RASGEF1C: variants seen among roughly 807,000 people sequenced by gnomAD.
RASGEF1C encodes the protein RasGEF domain family member 1C.
In RASGEF1C, 27 loss-of-function variants were observed where a neutral mutation model predicts 58.1. That is an observed-to-expected ratio of 0.46 (90% CI 0.34 to 0.64). The LOEUF (loss-of-function observed/expected upper bound fraction) is 0.64. Among genes scored for constraint, RASGEF1C ranks in the 30% least tolerant of loss-of-function variants. The pLI, the probability that RASGEF1C is intolerant of heterozygous loss-of-function variation, is 0.01. For missense variants in RASGEF1C, 502 were observed against 605.1 expected (o/e 0.83, Z 1.79); for synonymous variants, 243 against 246.3 (o/e 0.99, Z 0.13).
At chr5:180,174,607 CAT>C (rs1561751572) in intron 1 of RASGEF1C, among the ~76,000 whole-genome samples, 37 of 67,662 alleles carry the variant, frequency 5.5e-4, no homozygotes, top group Admixed American at 2.2e-3. Context: ...TGTGTGCACG[CAT>C]GTGTGTGTCT....
At chr5:180,125,554 G>A (rs571578473) in intron 6 of RASGEF1C, among the ~76,000 whole-genome samples, 14 of 152,242 alleles carry the variant, frequency 9.2e-5, no homozygotes, top group African/African-American at 1.7e-4. Flanking sequence ...AGTCCAAGGC[G>A]GGTGGATCAC....
Position 180,198,189 on chromosome 5 carries a change from C to T in RASGEF1C, c.-7+10839G>A, listed in dbSNP as rs560505710. 2.0e-5 allele frequency among the ~76,000 whole-genome samples: 3 copies of T among 152,192 alleles called. No individual in the cohort carries two copies. The highest frequency in any genetic ancestry group is 6.5e-5 in the Admixed American group (1 of 15,282). On this transcript the variant is annotated intron_variant, in intron 1 of 13. Transcript: ENST00000361132. This position sits in a 1 kb window ranked among gnomAD's most constrained non-coding sequence, Gnocchi z 4.5. ...AAACTGGAAACAGGCAGGACAAAAGCGCACCCTTCTGCAGGCCCCAGCCCC... is the reference window on the plus strand; with the variant it reads ...AAACTGGAAACAGGCAGGACAAAAGTGCACCCTTCTGCAGGCCCCAGCCCC...
chr5:180,171,042 G>T (rs543524638), intron 1 of RASGEF1C, among the ~76,000 whole-genome samples: 1 of 152,150 alleles, frequency 6.6e-6, no homozygotes, highest in East Asian at 1.9e-4. Context: ...AGACGCGGCC[G>T]GAGTTCCAGG....
chr5:180,134,818 C>CACCTATCCACT, intron 4 of RASGEF1C, among the ~76,000 whole-genome samples: 1 of 8,296 alleles, frequency 1.2e-4, no homozygotes, highest in Admixed American at 9.8e-4. Context: ...CGCATCTACC[C>CACCTATCCACT]TTGCTTCCTC....
Position 180,122,509 on chromosome 5 carries a change from G to A in RASGEF1C, c.715-1360C>T, listed in dbSNP as rs568520184. ...TAATCGCAACACTTTGGGAGGCCAA[G>A]GTGGGTGGATCACCTGAGGTCAGGA... is the stretch of plus-strand genomic sequence containing the variant. On this transcript the variant is annotated intron_variant, in intron 6 of 13. Coordinates refer to ENST00000361132, the MANE Select transcript of RASGEF1C (RefSeq NM_175062.4). 2.6e-5 allele frequency among the ~76,000 whole-genome samples: 4 copies of A among 152,282 alleles called. No individual in the cohort carries two copies. The South Asian group carries it at 6.2e-4, about 24-fold the overall frequency.
rs181480340 is a variant in RASGEF1C at position 180,170,383 on chromosome 5, G to A, written c.-6-32325C>T. On this transcript the variant is annotated intron_variant, in intron 1 of 13. Coordinates refer to ENST00000361132, the MANE Select transcript of RASGEF1C (RefSeq NM_175062.4). ...AGAAAACAAGCGTCCTATTTACCACGAGAATGAATATCGGGCTCTGTGTGA... is the reference window on the plus strand; with the variant it reads ...AGAAAACAAGCGTCCTATTTACCACAAGAATGAATATCGGGCTCTGTGTGA... Among the ~76,000 whole-genome samples the A allele has an allele frequency of 2.0e-3, 301 of 152,360 alleles. 1 individual carries two copies. Among genetic ancestry groups the A allele is most frequent in the South Asian group, 2.7e-3 (13 of 4,834 alleles).
At chr5:180,148,002 T>A (rs796428707) in intron 1 of RASGEF1C, among the ~76,000 whole-genome samples, 7 of 152,328 alleles carry the variant, frequency 4.6e-5, no homozygotes, top group African/African-American at 1.7e-4. Context: ...TCTGCCCATT[T>A]TTGCTTCATA....
chr5:180,163,231 CTT>C (rs1220517606), intron 1 of RASGEF1C, among the ~76,000 whole-genome samples: 2 of 19,454 alleles, frequency 1.0e-4, no homozygotes, highest in Non-Finnish European at 2.8e-4. Flanking sequence ...CACCCCCTCA[CTT>C]TTTTTTTTTT....
At chr5:180,132,969 GA>G (rs34307583) in intron 4 of RASGEF1C, among the ~76,000 whole-genome samples, 12,374 of 99,120 alleles carry the variant, frequency 0.12, 686 homozygotes, top group South Asian at 0.27. Context: ...CTCCGTCTCA[GA>G]AAAAAAAAAA....
intron 12 of RASGEF1C, among the ~76,000 whole-genome samples, chr5:180,109,443 G>A (rs549498784): frequency 2.2e-4 from 33 of 152,258 alleles, no homozygotes; most frequent in African/African-American, 6.7e-4. Context: ...GGGTGACAGA[G>A]CGAGACTCCG....
At chr5:180,188,655 T>G (rs1380936671) in intron 1 of RASGEF1C, among the ~76,000 whole-genome samples, 1 of 152,232 alleles carries the variant, frequency 6.6e-6, no homozygotes, top group Non-Finnish European at 1.5e-5. Context: ...GGCAAGGTGA[T>G]CCACTTTCTT....
At position 180,118,525 on chromosome 5, in the gene RASGEF1C, G is replaced by A; in HGVS notation, c.1083+84C>T. The stretch of plus-strand genomic sequence containing the variant: ...GCTGTCTATTACTGATGCTGCAGGG[G>A]GCAGGAGCTGCAGCAAGTGAACTCT... On this transcript the variant is annotated intron_variant, in intron 10 of 13. Transcript: ENST00000361132. The A allele has an allele frequency of 2.4e-6, 3 of 1,232,742 alleles. No individual in the cohort carries two copies. The Admixed American group carries it at 6.4e-5, about 26-fold the overall frequency. The allele number at this position is 1,232,742 out of a possible 1,614,324, so 76.4% of individuals were successfully genotyped here. A position where few individuals can be genotyped will look rare whatever the true frequency, so the allele number is the denominator to read the frequency against.
chr5:180,186,486 T>C (rs1756044002), intron 1 of RASGEF1C, among the ~76,000 whole-genome samples: 1 of 152,134 alleles, frequency 6.6e-6, no homozygotes, highest in Non-Finnish European at 1.5e-5. Flanking sequence ...AGGAGAAAGA[T>C]CTGCAGACTG....
chr5:180,136,498 G>T lies in RASGEF1C; in HGVS notation c.318C>A (p.Phe106Leu). 1.3e-6 allele frequency: 2 copies of T among 1,570,494 alleles called. No homozygotes were observed. Among genetic ancestry groups the T allele is most frequent in the Non-Finnish European group, 8.6e-7 (1 of 1,157,232 alleles). Residue 106 changes from phenylalanine to leucine, a missense_variant, in exon 4 of 14, where the codon TTC becomes TTA. Transcript: ENST00000361132. ...CCAACAGCTGCAGCAGTTTGGGGCC[G>T]AACTTCCGGACCCGGGCCTACGGGC... Reference protein sequence around the residue: ...PVLDKARVRKFGPKLLQLLAE... With the variant: ...PVLDKARVRKLGPKLLQLLAE...
rs73813822 is a variant in RASGEF1C at position 180,157,909 on chromosome 5, A to G, written c.-6-19851T>C. Among the ~76,000 whole-genome samples the G allele has an allele frequency of 2.1e-3, 313 of 152,308 alleles. 1 individual carries two copies. Among genetic ancestry groups the G allele is most frequent in the African/African-American group, 7.3e-3 (305 of 41,570 alleles). ...ATATGTGACATTATTGTCAAAACCC[A>G]TAGAATGTACAACACCAAGCATGAC... is the stretch of plus-strand genomic sequence containing the variant. On this transcript the variant is annotated intron_variant, in intron 1 of 13. Coordinates refer to ENST00000361132, the MANE Select transcript of RASGEF1C (RefSeq NM_175062.4).
chr5:180,149,479 A>G (rs944876697), intron 1 of RASGEF1C, among the ~76,000 whole-genome samples: 2 of 151,738 alleles, frequency 1.3e-5, no homozygotes, highest in East Asian at 1.9e-4. Context: ...TTTGAGACAG[A>G]GTCTAGCTCT....
chr5:180,114,896 C>T (rs1288041322), intron 10 of RASGEF1C, among the ~76,000 whole-genome samples: 5 of 152,228 alleles, frequency 3.3e-5, no homozygotes, highest in Admixed American at 6.5e-5. Context: ...GGTAGGTCTC[C>T]ACTACCCCCA....
chr5:180,140,856 G>A (rs1561741456), intron 1 of RASGEF1C, among the ~76,000 whole-genome samples: 1 of 152,202 alleles, frequency 6.6e-6, no homozygotes, highest in South Asian at 2.1e-4. Flanking sequence ...GAGGCTCGGC[G>A]GAGCGGGGGG....
chr5:180,188,162 G>C (rs1756074207), intron 1 of RASGEF1C, among the ~76,000 whole-genome samples: 1 of 152,274 alleles, frequency 6.6e-6, no homozygotes, highest in Non-Finnish European at 1.5e-5. Context: ...AAGGAATCAA[G>C]TACAGATACA....
Sources: gnomAD v4.1 joint callset for allele counts (sites outside exome capture counted in the v4.1 genomes callset) on GRCh38, gnomAD v4.1.1 for gene constraint, Gnocchi (gnomAD v3.1) non-coding constraint, MANE v1.5 for transcripts, NCBI Gene and HGNC (gene_info 2026-07-23, HGNC 2026-07-21) for gene names.